The following SLC44A1 variants were observed in gnomAD, a reference collection of about 807,000 sequenced individuals.
SLC44A1 encodes choline transporter-like protein 1.
Under a neutral mutation model 79.3 loss-of-function variants are expected in SLC44A1, and 26 were observed. The observed-to-expected ratio is 0.33, with a 90% CI of 0.24 to 0.46. The LOEUF (loss-of-function observed/expected upper bound fraction) is 0.46, where lower values mean the gene tolerates loss of function less well. SLC44A1 is among the 20% of genes least tolerant of loss of function. SLC44A1 has a pLI of 1.00. For missense variants in SLC44A1, 688 were observed against 798.1 expected (o/e 0.86, Z 1.66); for synonymous variants, 263 against 286.2 (o/e 0.92, Z 0.82).
intron 1 of SLC44A1, among the ~76,000 whole-genome samples, chr9:105,247,942 C>T (rs967729773): frequency 2.6e-5 from 4 of 152,198 alleles, no homozygotes; most frequent in Non-Finnish European, 4.4e-5. Context: ...TTTCTATATC[C>T]CTTCCTGTTC....
chr9:105,394,275 T>A lies in SLC44A1; in HGVS notation c.*5219T>A. On this transcript the variant is annotated 3_prime_UTR_variant, in exon 16 of 16. Transcript: ENST00000374720. Reference sequence around the variant, plus strand: ...ATGCTTACCACCTTCTGACCTGGAATCATTTTTATAACTTAAAGACTTTAT... The same window carrying A: ...ATGCTTACCACCTTCTGACCTGGAAACATTTTTATAACTTAAAGACTTTAT... 1.0e-6 allele frequency: 1 copy of A among 985,434 alleles called. No homozygotes were observed. The highest frequency in any genetic ancestry group is 1.2e-6 in the Non-Finnish European group (1 of 829,932). 61.0% of individuals were successfully genotyped at this position (985,434 alleles called of 1,614,324 possible).
At chr9:105,408,824 A>G (rs1829061587) in intron 15 of SLC44A1, among the ~76,000 whole-genome samples, 1 of 152,222 alleles carries the variant, frequency 6.6e-6, no homozygotes, top group African/African-American at 2.4e-5. Context: ...CAATAACAAC[A>G]TAAAGGGAGA....
chr9:105,389,358 C>A lies in SLC44A1; in HGVS notation c.*302C>A, dbSNP rs971701528. The A allele has an allele frequency of 1.8e-6, 2 of 1,102,662 alleles. No homozygotes were observed. Among genetic ancestry groups the A allele is most frequent in the African/African-American group, 1.6e-5 (1 of 61,364 alleles). 68.3% of individuals were successfully genotyped at this position (1,102,662 alleles called of 1,614,324 possible). ...TTAATGGAAATGTTAAAATTCATATCTGATTAACATTTTTAATAACTTAGA... is the reference window on the plus strand; with the variant it reads ...TTAATGGAAATGTTAAAATTCATATATGATTAACATTTTTAATAACTTAGA... On this transcript the variant is annotated 3_prime_UTR_variant, in exon 16 of 16. Transcript: ENST00000374720.
intron 14 of SLC44A1, among the ~76,000 whole-genome samples, 155 bp from the exon 15 acceptor site, chr9:105,385,267 A>G (rs554343586): frequency 1.3e-5 from 2 of 152,216 alleles, no homozygotes; most frequent in South Asian, 2.1e-4. Flanking sequence ...AAATTTAGCA[A>G]CTCTCATGTG....
At position 105,358,418 on chromosome 9, in the gene SLC44A1, A is replaced by C. The variant is rs775432154; in HGVS notation, c.745A>C (p.Ile249Leu). ...VLVWILTILVILGSLGGTGVL... is the reference protein window; with the variant it reads ...VLVWILTILVLLGSLGGTGVL... Reference sequence around the variant, plus strand: ...TGTGTGGATCTTAACGATTCTGGTCATACTCGGTTCACTTGGTAAGCTATT... The same window carrying C: ...TGTGTGGATCTTAACGATTCTGGTCCTACTCGGTTCACTTGGTAAGCTATT... Residue 249 changes from isoleucine (I) to leucine (L), a missense_variant, in exon 7 of 16, where the codon ATA becomes CTA. By Grantham distance (5) the Ile-to-Leu change is conservative. Coordinates refer to ENST00000374720, the MANE Select transcript of SLC44A1 (RefSeq NM_080546.5). 1 of 1,583,304 alleles carries C rather than the reference A, an allele frequency of 6.3e-7. No homozygotes were observed. Among genetic ancestry groups the C allele is most frequent in the South Asian group, 1.1e-5 (1 of 90,130 alleles).
chr9:105,372,660 C>A (rs1355633727), intron 12 of SLC44A1, among the ~76,000 whole-genome samples: 1 of 151,584 alleles, frequency 6.6e-6, no homozygotes. Flanking sequence ...AGCTTAAGAA[C>A]CACAGGTAGG....
chr9:105,354,022 G>C (rs1357747344), intron 5 of SLC44A1, among the ~76,000 whole-genome samples: 1 of 130,026 alleles, frequency 7.7e-6, no homozygotes, highest in Non-Finnish European at 1.6e-5. Context: ...TATTGACTTA[G>C]AAATTTACAG....
chr9:105,375,049 GTTTGTTTTTGAAACGGAGTT>G (rs1395808272), intron 13 of SLC44A1, among the ~76,000 whole-genome samples: 1 of 152,114 alleles, frequency 6.6e-6, no homozygotes, highest in Non-Finnish European at 1.5e-5. Flanking sequence ...TTGTTTGTTT[GTTTGTTTTTGAAACGGAGTT>G]TCGCTCTTGT....
chr9:105,294,476 C>A (rs1389745430), intron 1 of SLC44A1, among the ~76,000 whole-genome samples: 1 of 151,584 alleles, frequency 6.6e-6, no homozygotes, highest in Non-Finnish European at 1.5e-5. Flanking sequence ...TTCCTTTCAG[C>A]GATTTAAAGA....
At chr9:105,320,394 G>C (rs117687651) in intron 3 of SLC44A1, among the ~76,000 whole-genome samples, 7,684 of 148,678 alleles carry the variant, frequency 0.052, 272 homozygotes, top group Middle Eastern at 0.086. Flanking sequence ...TAGATATATA[G>C]CATTGAGATT....
chr9:105,411,450 GTA>G (rs1328620640), intron 15 of SLC44A1, among the ~76,000 whole-genome samples: 11 of 140,826 alleles, frequency 7.8e-5, no homozygotes, highest in African/African-American at 3.2e-4. Flanking sequence ...CTCTCTCTGT[GTA>G]TGTGTGTGTG....
chr9:105,330,557 A>G (rs990698032), intron 3 of SLC44A1, among the ~76,000 whole-genome samples: 9 of 152,182 alleles, frequency 5.9e-5, no homozygotes, highest in Admixed American at 5.2e-4. Context: ...TGCAGCTTTA[A>G]AAGTCACTTC....
intron 4 of SLC44A1, among the ~76,000 whole-genome samples, chr9:105,343,902 A>G (rs985408904): frequency 2.6e-5 from 4 of 152,192 alleles, no homozygotes; most frequent in East Asian, 3.8e-4. Context: ...GTGTGTGCCA[A>G]CAGTGGTTGA....
rs1828814136 is a variant in SLC44A1, at chr9:105,393,609, T to C, written c.*4553T>C. 7.2e-6 allele frequency: 7 copies of C among 975,284 alleles called. No homozygotes were observed. Among genetic ancestry groups the C allele is most frequent in the Admixed American group, 6.1e-5 (1 of 16,268 alleles). 60.4% of individuals were successfully genotyped at this position (975,284 alleles called of 1,614,324 possible). On this transcript the variant is annotated 3_prime_UTR_variant, in exon 16 of 16. Coordinates refer to ENST00000374720, the MANE Select transcript of SLC44A1 (RefSeq NM_080546.5). ...TACTGATTTCTGTGGAAAACCTTTC[T>C]TTTCTATAGAAATACTGTAGTGCCC... is the stretch of plus-strand genomic sequence containing the variant.
intron 2 of SLC44A1, 37 bp downstream of exon 2, chr9:105,299,346 A>G: frequency 7.1e-7 from 1 of 1,407,000 alleles, no homozygotes; most frequent in Non-Finnish European, 9.7e-7. Flanking sequence ...AACTGGACTC[A>G]TGATCCAAGG....
intron 14 of SLC44A1, among the ~76,000 whole-genome samples, 187 bp from the exon 15 acceptor site, chr9:105,385,235 G>A (rs74762710): frequency 0.032 from 4,860 of 152,128 alleles, 271 homozygotes; most frequent in African/African-American, 0.11. Context: ...TTTAATCAGC[G>A]AATTGCAGAG....
intron 15 of SLC44A1, among the ~76,000 whole-genome samples, chr9:105,433,479 T>C (rs551200947): frequency 2.6e-4 from 39 of 152,260 alleles, no homozygotes; most frequent in African/African-American, 9.1e-4. Context: ...AACTGCCTTT[T>C]TTCATGCTCA....
At chr9:105,437,716 T>C (rs993921696) in intron 15 of SLC44A1, among the ~76,000 whole-genome samples, 1 of 152,214 alleles carries the variant, frequency 6.6e-6, no homozygotes, top group African/African-American at 2.4e-5. Flanking sequence ...ATTATCCTGG[T>C]CTGATCTGAC....
intron 15 of SLC44A1, among the ~76,000 whole-genome samples, chr9:105,420,260 TTCTTG>T (rs1829228445): frequency 6.6e-6 from 1 of 152,236 alleles, no homozygotes; most frequent in African/African-American, 2.4e-5. Context: ...CCTATTTTAC[TTCTTG>T]TTAGAGTTCT....
Sources: gnomAD v4.1 joint callset for allele counts (sites outside exome capture counted in the v4.1 genomes callset) on GRCh38, gnomAD v4.1.1 for gene constraint, MANE v1.5 for transcripts, NCBI Gene and HGNC (gene_info 2026-07-23, HGNC 2026-07-21) for gene names.